The following C15orf40 variants were observed in gnomAD, a reference collection of about 807,000 sequenced individuals.
The protein encoded by C15orf40 is chromosome 15 open reading frame 40, also known as UPF0235 protein C15orf40.
A neutral mutation model predicts 13.9 loss-of-function variants in C15orf40; 9 were observed. That is an observed-to-expected ratio of 0.65 (90% CI 0.39 to 1.13). The LOEUF is 1.13. Ranked by LOEUF, C15orf40 falls within the 50% of genes most tolerant of loss-of-function variation. C15orf40 has a pLI of 0.01. For synonymous variants in C15orf40, 95 were observed against 69.2 expected, an observed-to-expected ratio of 1.37 and a Z score of -1.85; for missense variants, 225 against 188.5, an observed-to-expected ratio of 1.19 and a Z score of -1.13.
In C15orf40 at chr15:83,008,263, A is replaced by T. The variant is rs544431438; in HGVS notation, c.366+285T>A. On this transcript the variant is annotated intron_variant, in intron 3 of 3. Coordinates refer to ENST00000304177, the MANE Select transcript of C15orf40 (RefSeq NM_144597.3). ...TCCGGGCATGGTGGCTCATACCTCT[A>T]ATCCCAGCGCTTCGGGAGGAGAAGG... The T allele has an allele frequency of 3.2e-4, 116 of 359,438 alleles. 1 individual carries two copies. The highest frequency in any genetic ancestry group is 2.3e-3 in the African/African-American group (105 of 46,544). 22.3% of individuals were successfully genotyped at this position (359,438 alleles called of 1,614,324 possible). A position where few individuals can be genotyped will look rare whatever the true frequency, so the allele number is the denominator to read the frequency against.
chr15:82,990,471 C>A, downstream of C15orf40: 1 of 560,854 alleles, frequency 1.8e-6, no homozygotes. Context: ...ATATAATCAG[C>A]TCATGAATGC....
At position 83,006,539 on chromosome 15, in the gene C15orf40, C is replaced by A. The variant is rs568039471; in HGVS notation, c.367-847G>T. ...CTCTGGGAGGCTGAGGCGGGTGGAT[C>A]ACCTGAGGTCAGGAGTTCGAGACCA... On this transcript the variant is annotated intron_variant, in intron 3 of 3. Coordinates refer to ENST00000304177, the MANE Select transcript of C15orf40 (RefSeq NM_144597.3). The A allele has an allele frequency of 1.2e-4, 103 of 886,492 alleles. No homozygotes were observed. The African/African-American group carries it at 1.8e-3, about 15-fold the overall frequency. 54.9% of individuals were successfully genotyped at this position (886,492 alleles called of 1,614,324 possible). A position where few individuals can be genotyped will look rare whatever the true frequency, so the allele number is the denominator to read the frequency against.
intron 1 of C15orf40, 85 bp from the exon 2 acceptor site, chr15:83,010,448 C>A: frequency 6.6e-7 from 1 of 1,514,852 alleles, no homozygotes; most frequent in South Asian, 1.2e-5. Flanking sequence ...CCCTTTCACC[C>A]TTAACAGACA....
chr15:82,991,653 C>T (rs532853763), downstream of C15orf40, among the ~76,000 whole-genome samples: 17 of 152,338 alleles, frequency 1.1e-4, 1 homozygote, highest in South Asian at 3.1e-3. Context: ...TGCTCTCCAT[C>T]TACCTCTCCC....
Position 82,996,737 on chromosome 15 carries a change from G to A in C15orf40, c.*8860C>T, listed in dbSNP as rs1026389296. 5.9e-5 allele frequency: 9 copies of A among 151,724 alleles called. No individual in the cohort carries two copies. Among genetic ancestry groups the A allele is most frequent in the African/African-American group, 1.9e-4 (8 of 41,394 alleles). 9.4% of individuals were successfully genotyped at this position (151,724 alleles called of 1,614,324 possible). On this transcript the variant is annotated 3_prime_UTR_variant, in exon 4 of 4. Transcript: ENST00000304177. ...ATGAATAATTTTGGCTGGATGCAGTGGTTCACGCCTGTAATCCCAGTAATT... is the reference window on the plus strand; with the variant it reads ...ATGAATAATTTTGGCTGGATGCAGTAGTTCACGCCTGTAATCCCAGTAATT...
At chr15:82,989,830 G>GT (rs772512462), downstream of C15orf40, 38 of 1,594,306 alleles carry the variant, frequency 2.4e-5, no homozygotes, top group Admixed American at 5.2e-5. Flanking sequence ...TTTGTCATAT[G>GT]TTTTTTTTAA....
chr15:83,002,770 C>A lies in C15orf40; in HGVS notation c.*2827G>T, dbSNP rs2151283026. 1 of 152,294 alleles carries A rather than the reference C, an allele frequency of 6.6e-6. No homozygotes were observed. Among genetic ancestry groups the A allele is most frequent in the East Asian group, 1.9e-4 (1 of 5,188 alleles). The allele number at this position is 152,294 out of a possible 1,614,324, so 9.4% of individuals were successfully genotyped here. On this transcript the variant is annotated 3_prime_UTR_variant, in exon 4 of 4. Transcript: ENST00000304177. ...GGGCCTGAGGATGAAACTGGCACTG[C>A]AGAAGATTCAGGGGAAGGAAAGAAA...
chr15:83,010,587 C>G (rs890170960), intron 1 of C15orf40: 4 of 487,108 alleles, frequency 8.2e-6, no homozygotes, highest in African/African-American at 7.8e-5. Flanking sequence ...TCCCCCCTTG[C>G]AAGAAAACCT....
chr15:83,010,193 A>T (rs1243022610), intron 2 of C15orf40, 44 bp downstream of exon 2: 2 of 1,611,536 alleles, frequency 1.2e-6, no homozygotes, highest in Non-Finnish European at 1.7e-6. Context: ...GCTGTAGGAG[A>T]CACCTGATTC....
rs565729989 is a variant in C15orf40 at position 82,999,541 on chromosome 15, A to G, written c.*6056T>C. 1 of 152,266 alleles carries G rather than the reference A, an allele frequency of 6.6e-6. No homozygotes were observed. The highest frequency in any genetic ancestry group is 1.9e-4 in the East Asian group (1 of 5,166). 9.4% of individuals were successfully genotyped at this position (152,266 alleles called of 1,614,324 possible). A position where few individuals can be genotyped will look rare whatever the true frequency, so the allele number is the denominator to read the frequency against. On this transcript the variant is annotated 3_prime_UTR_variant, in exon 4 of 4. Transcript: ENST00000304177. The stretch of plus-strand genomic sequence containing the variant: ...ATGTTAGCCACATTTCAAGTGCTCA[A>G]TAGCCACATGTGGTGTGAGCAGCTA...
Position 83,001,387 on chromosome 15 carries a change from G to T in C15orf40, c.*4210C>A. 1.3e-6 allele frequency: 1 copy of T among 757,866 alleles called. No homozygotes were observed. The highest frequency in any genetic ancestry group is 1.3e-4 in the East Asian group (1 of 7,768). 46.9% of individuals were successfully genotyped at this position (757,866 alleles called of 1,614,324 possible). A position where few individuals can be genotyped will look rare whatever the true frequency, so the allele number is the denominator to read the frequency against. On this transcript the variant is annotated 3_prime_UTR_variant, in exon 4 of 4. Coordinates refer to ENST00000304177, the MANE Select transcript of C15orf40 (RefSeq NM_144597.3). ...AATTATCATTTATTAAGGTGCGGGT[G>T]ATAGATGACAGATGCAGTGCTAGAA...
chr15:83,005,756 A>C lies in C15orf40; in HGVS notation c.367-64T>G. On this transcript the variant is annotated intron_variant, in intron 3 of 3. Transcript: ENST00000304177. ...ACATTCTAATGCTATTAGAGATAGC[A>C]GACCTCCGTTGTATAATGGGCTCTC... 1.9e-6 allele frequency: 3 copies of C among 1,540,878 alleles called. No individual in the cohort carries two copies. In the South Asian group the frequency reaches 3.6e-5, roughly 19 times the overall value.
In C15orf40 at chr15:83,005,662, G is replaced by A. The variant is rs1263105645; in HGVS notation, c.397C>T (p.Leu133Phe). Residue 133 changes from leucine to phenylalanine, a missense_variant, in exon 4 of 4, where the codon CTT becomes TTT. Physicochemically the swap from Leu to Phe is conservative, Grantham distance 22. Coordinates refer to ENST00000304177, the MANE Select transcript of C15orf40 (RefSeq NM_144597.3). Reference sequence around the variant, plus strand: ...TCTTCTGGAGTTGTAGAAGCCAAAAGCTTCACCACCTTTTCACGAGATTTA... The same window carrying A: ...TCTTCTGGAGTTGTAGAAGCCAAAAACTTCACCACCTTTTCACGAGATTTA... ...GGKSREKVVK[L>F]LASTTPEEIL... 1.9e-6 allele frequency: 3 copies of A among 1,612,500 alleles called. No homozygotes were observed. Among genetic ancestry groups the A allele is most frequent in the African/African-American group, 1.3e-5 (1 of 74,816 alleles).
At position 83,005,676 on chromosome 15, in the gene C15orf40, T is replaced by G; in HGVS notation, c.383A>C (p.Glu128Ala). The change falls in exon 4 of 4, where the codon GAA (glutamate) becomes GCA (alanine). Residue 128 changes from glutamate (E) to alanine (A), a missense_variant. Glu to Ala is a moderately radical substitution (Grantham distance 107, BLOSUM62 -1). Transcript: ENST00000304177. ...VVLDKGGKSR[E>A]KVVKLLASTT... is the part of the protein sequence containing the mutation. ...AGAAGCCAAAAGCTTCACCACCTTT[T>G]CACGAGATTTACCACCCTGGACCAA... The G allele has an allele frequency of 6.2e-7, 1 of 1,612,806 alleles. No homozygotes were observed. Among genetic ancestry groups the G allele is most frequent in the Non-Finnish European group, 8.5e-7 (1 of 1,179,440 alleles).
In C15orf40 at chr15:83,010,293, C is replaced by T. The variant is rs143424937; in HGVS notation, c.182G>A (p.Gly61Glu). 200 of 1,614,224 alleles carry T rather than the reference C, an allele frequency of 1.2e-4. 1 individual carries two copies. In the African/African-American group the frequency reaches 2.3e-3, roughly 18 times the overall value. ...TGCATGGATGGCTATGGTGACGCATCCTTTAGGATCAACTGCCACAGGACC... is the reference window on the plus strand; with the variant it reads ...TGCATGGATGGCTATGGTGACGCATTCTTTAGGATCAACTGCCACAGGACC... ...PLGPVAVDPK[G>E]CVTIAIHAKP... Residue 61 changes from glycine (G) to glutamate (E), a missense_variant, in exon 2 of 4, where the codon GGA (glycine) becomes GAA (glutamate). Gly to Glu is a moderately conservative substitution (Grantham distance 98). Transcript: ENST00000304177.
downstream of C15orf40, among the ~76,000 whole-genome samples, chr15:82,991,567 C>T (rs772795842): frequency 2.6e-5 from 4 of 152,110 alleles, no homozygotes; most frequent in South Asian, 8.3e-4. Flanking sequence ...GGGGCATCTT[C>T]GTAAACCTAT....
At chr15:82,989,216 T>G (rs180891852), downstream of C15orf40, 289 of 1,607,112 alleles carry the variant, frequency 1.8e-4, no homozygotes, top group African/African-American at 3.6e-3. Flanking sequence ...TAAATGCAGA[T>G]AGTTGATCTG....
In C15orf40 at chr15:82,994,904, G is replaced by A. The variant is rs2151274247; in HGVS notation, c.*10693C>T. The A allele has an allele frequency of 6.6e-6, 1 of 152,266 alleles. No homozygotes were observed. The highest frequency in any genetic ancestry group is 6.5e-5 in the Admixed American group (1 of 15,290). The allele number at this position is 152,266 out of a possible 1,614,324, so 9.4% of individuals were successfully genotyped here. A position where few individuals can be genotyped will look rare whatever the true frequency, so the allele number is the denominator to read the frequency against. ...TTTTAAAATTGATTTAAGCCCAGTA[G>A]CAGAAAATACTCTTGACATTGGCAG... On this transcript the variant is annotated 3_prime_UTR_variant, in exon 4 of 4. Coordinates refer to ENST00000304177, the MANE Select transcript of C15orf40 (RefSeq NM_144597.3).
intron 1 of C15orf40, chr15:83,010,652 T>A (rs1422895014): frequency 1.4e-5 from 4 of 293,622 alleles, no homozygotes; most frequent in African/African-American, 6.5e-5. Flanking sequence ...GTATTTCCAA[T>A]TCCTTGGGGG....
Sources: allele counts gnomAD v4.1 joint callset (sites outside exome capture counted in the v4.1 genomes callset), GRCh38; gene constraint gnomAD v4.1.1; transcripts MANE v1.5; gene names NCBI Gene and HGNC (gene_info 2026-07-23, HGNC 2026-07-21).